The following SPAG16 variants were observed in gnomAD, a reference collection of about 807,000 sequenced individuals.
SPAG16 encodes sperm-associated antigen 16 protein.
SPAG16 carries 86 observed loss-of-function variants against 80.4 expected under a neutral mutation model. The observed-to-expected ratio is 1.07, with a 90% CI of 0.90 to 1.28. The LOEUF is 1.28. SPAG16 is among the 50% of genes most tolerant of loss of function. The pLI, the probability that SPAG16 is intolerant of heterozygous loss-of-function variation, is 0.00. For synonymous variants in SPAG16, 294 were observed against 265.9 expected (o/e 1.11, Z -1.03); for missense variants, 870 against 765.3 (o/e 1.14, Z -1.61).
chr2:213,608,133 G>T (rs1275944208), intron 10 of SPAG16, among the ~76,000 whole-genome samples: 4 of 152,070 alleles, frequency 2.6e-5, no homozygotes, highest in Admixed American at 2.0e-4. Flanking sequence ...GAGCAGGGAG[G>T]TGGTGTTCAC....
At chr2:213,898,606 GA>G (rs1335310759) in intron 11 of SPAG16, among the ~76,000 whole-genome samples, 19 of 152,148 alleles carry the variant, frequency 1.2e-4, no homozygotes, top group African/African-American at 4.6e-4. Flanking sequence ...ATCTTTGTCA[GA>G]AAATTCACGG....
intron 9 of SPAG16, among the ~76,000 whole-genome samples, chr2:213,478,338 A>G (rs371771568): frequency 3.9e-5 from 6 of 152,316 alleles, no homozygotes; most frequent in African/African-American, 1.2e-4. Context: ...TGACTTCACT[A>G]AGCAAACCAC....
chr2:214,207,545 G>A (rs1212382802), intron 15 of SPAG16, among the ~76,000 whole-genome samples: 1 of 152,042 alleles, frequency 6.6e-6, no homozygotes, highest in Non-Finnish European at 1.5e-5. Flanking sequence ...TATTTTCATT[G>A]ATTTCTCATG....
intron 3 of SPAG16, among the ~76,000 whole-genome samples, chr2:213,298,233 CT>C (rs1415369325): frequency 6.6e-6 from 1 of 152,142 alleles, no homozygotes; most frequent in Non-Finnish European, 1.5e-5. Flanking sequence ...AAATGGAGGG[CT>C]GCAGCTCATA....
intron 13 of SPAG16, among the ~76,000 whole-genome samples, chr2:214,085,135 T>C (rs1024685074): frequency 4.6e-5 from 7 of 152,106 alleles, no homozygotes; most frequent in Admixed American, 6.5e-5. Context: ...AAAGTCAAAG[T>C]TGCGTAAAGC....
At chr2:213,594,674 T>A (rs77531007) in intron 10 of SPAG16, among the ~76,000 whole-genome samples, 9,052 of 152,298 alleles carry the variant, frequency 0.059, 903 homozygotes, top group African/African-American at 0.2. Flanking sequence ...ATTCATCATT[T>A]ACGTTTCTGG....
chr2:213,788,006 G>A (rs1387926723), intron 10 of SPAG16, among the ~76,000 whole-genome samples: 2 of 151,932 alleles, frequency 1.3e-5, no homozygotes, highest in African/African-American at 4.8e-5. Flanking sequence ...ATAAGAGCTG[G>A]TGTTGTTGAT....
intron 10 of SPAG16, among the ~76,000 whole-genome samples, chr2:213,728,829 A>T (rs1300605716): frequency 7.2e-6 from 1 of 138,496 alleles, no homozygotes. Flanking sequence ...GTGAGCTGAG[A>T]TTGCACCACT....
intron 15 of SPAG16, among the ~76,000 whole-genome samples, chr2:214,181,510 G>T (rs2057306946): frequency 6.6e-6 from 1 of 151,666 alleles, no homozygotes; most frequent in Admixed American, 6.6e-5. Flanking sequence ...TTCTATATAT[G>T]AACACCATGA....
At chr2:213,933,473 T>C (rs1452134274) in intron 12 of SPAG16, among the ~76,000 whole-genome samples, 1 of 152,212 alleles carries the variant, frequency 6.6e-6, no homozygotes, top group Non-Finnish European at 1.5e-5. Flanking sequence ...GGTAGCTGGG[T>C]ATTTGACTGA....
chr2:213,845,433 T>C (rs940248547), intron 10 of SPAG16, among the ~76,000 whole-genome samples: 3 of 152,084 alleles, frequency 2.0e-5, no homozygotes, highest in Non-Finnish European at 4.4e-5. Context: ...CTTGACCTCG[T>C]GATCCACCCT....
At chr2:213,383,435 T>C (rs1007967199) in intron 9 of SPAG16, among the ~76,000 whole-genome samples, 1 of 152,142 alleles carries the variant, frequency 6.6e-6, no homozygotes, top group Non-Finnish European at 1.5e-5. Flanking sequence ...TTGTCTTGGA[T>C]GTCTAAATAA....
At chr2:213,830,553 G>C (rs576767485) in intron 10 of SPAG16, among the ~76,000 whole-genome samples, 1 of 152,228 alleles carries the variant, frequency 6.6e-6, no homozygotes, top group African/African-American at 2.4e-5. Flanking sequence ...ATTGGTAGAG[G>C]TTTCTATTTG....
At chr2:213,428,621 T>C (rs1053169627) in intron 9 of SPAG16, among the ~76,000 whole-genome samples, 2 of 152,158 alleles carry the variant, frequency 1.3e-5, no homozygotes, top group Admixed American at 1.3e-4. Flanking sequence ...TAGGGCTCTC[T>C]CCCTTCGTGG....
intron 13 of SPAG16, among the ~76,000 whole-genome samples, chr2:214,102,862 T>G (rs73987174): frequency 0.019 from 2,879 of 152,108 alleles, 96 homozygotes; most frequent in African/African-American, 0.066. Context: ...AAAATTCGTT[T>G]GGAAGAGACC....
intron 12 of SPAG16, among the ~76,000 whole-genome samples, chr2:213,946,369 T>TTTATTG (rs2079470838): frequency 3.3e-4 from 50 of 152,170 alleles, no homozygotes; most frequent in African/African-American, 9.2e-4. Flanking sequence ...TGCCTCGGCC[T>TTTATTG]CCCAGAGTGC....
chr2:213,724,183 C>T (rs770548970), intron 10 of SPAG16, among the ~76,000 whole-genome samples: 14 of 152,120 alleles, frequency 9.2e-5, no homozygotes, highest in Admixed American at 3.9e-4. Flanking sequence ...GGAAAAATAG[C>T]TCACTGGGAC....
intron 9 of SPAG16, among the ~76,000 whole-genome samples, chr2:213,440,621 G>A (rs2070894364): frequency 6.6e-6 from 1 of 152,062 alleles, no homozygotes; most frequent in African/African-American, 2.4e-5. Flanking sequence ...ATGAGAAAGA[G>A]ATCCATGCAT....
intron 12 of SPAG16, among the ~76,000 whole-genome samples, chr2:213,941,317 C>T (rs2079187636): frequency 6.6e-6 from 1 of 152,148 alleles, no homozygotes; most frequent in Non-Finnish European, 1.5e-5. Context: ...CCTGTAACTC[C>T]TTCTTTTTAA....
Sources: gnomAD v4.1 joint callset for allele counts (sites outside exome capture counted in the v4.1 genomes callset) on GRCh38, gnomAD v4.1.1 for gene constraint, MANE v1.5 for transcripts, NCBI Gene and HGNC (gene_info 2026-07-23, HGNC 2026-07-21) for gene names.